ZDHHC20: variants seen among roughly 807,000 people sequenced by gnomAD.
ZDHHC20 encodes zDHHC palmitoyltransferase 20, also known as palmitoyltransferase ZDHHC20.
Under a neutral mutation model 57.8 loss-of-function variants are expected in ZDHHC20, and 43 were observed. The observed-to-expected ratio is 0.74, with a 90% CI of 0.58 to 0.96. The LOEUF is 0.96. ZDHHC20 is among the 40% of genes least tolerant of loss of function. The probability of loss-of-function intolerance (pLI) is 0.00; values close to 1 mark genes in which losing one functional copy is unlikely to be tolerated. For synonymous variants in ZDHHC20, 157 were observed against 153.0 expected, an observed-to-expected ratio of 1.03 and a Z score of -0.19; for missense variants, 391 against 441.1, an observed-to-expected ratio of 0.89 and a Z score of 1.02.
intron 9 of ZDHHC20, among the ~76,000 whole-genome samples, chr13:21,385,913 T>A (rs1267056520): frequency 6.6e-6 from 1 of 152,186 alleles, no homozygotes; most frequent in Non-Finnish European, 1.5e-5. Flanking sequence ...TCAGGCTGAC[T>A]TTTCATTAGA....
intron 1 of ZDHHC20, among the ~76,000 whole-genome samples, chr13:21,451,378 A>G (rs1884427825): frequency 6.6e-6 from 1 of 152,204 alleles, no homozygotes; most frequent in African/African-American, 2.4e-5. Flanking sequence ...ATATTAATTT[A>G]AAGTCTACTA....
chr13:21,404,788 G>A (rs1878221153), intron 4 of ZDHHC20, among the ~76,000 whole-genome samples: 1 of 150,476 alleles, frequency 6.6e-6, no homozygotes, highest in Non-Finnish European at 1.5e-5. Flanking sequence ...GCAGAATAGA[G>A]TTCCCATCTC....
At chr13:21,447,246 G>GA (rs1883810025) in intron 1 of ZDHHC20, among the ~76,000 whole-genome samples, 2 of 22 alleles carry the variant, frequency 0.091, no homozygotes, top group Admixed American at 0.33. Context: ...CCGAGGACTC[G>GA]TCCCAGTTTG....
At chr13:21,398,509 A>G (rs1447993971) in intron 7 of ZDHHC20, among the ~76,000 whole-genome samples, 1 of 152,112 alleles carries the variant, frequency 6.6e-6, no homozygotes, top group Admixed American at 6.6e-5. Context: ...AAATAAACAA[A>G]TATTCATGCT....
intron 1 of ZDHHC20, among the ~76,000 whole-genome samples, chr13:21,430,272 G>A (rs1262582705): frequency 3.3e-5 from 5 of 152,216 alleles, no homozygotes; most frequent in Non-Finnish European, 7.4e-5. Context: ...GGGAGTCCAA[G>A]TCCCAGCTCC....
intron 2 of ZDHHC20, among the ~76,000 whole-genome samples, chr13:21,421,794 G>A (rs1880675989): frequency 6.6e-6 from 1 of 152,112 alleles, no homozygotes. Context: ...AAGCAGTACT[G>A]ATTTCTTTAA....
chr13:21,421,124 A>G lies in ZDHHC20; in HGVS notation c.186T>C (p.Phe62=). Residue 62 remains phenylalanine (F), a synonymous_variant, in exon 3 of 13, where the codon TTT becomes TTC. Transcript: ENST00000400590. ...TCCAATAGGACCATACAAACATAAC[A>G]AAGAACAGATGGAAAGCCACAAGGT... The part of the protein sequence containing the change: ...VVYLVAFHLF[F]VMFVWSYWMT... The G allele has an allele frequency of 6.2e-7, 1 of 1,613,438 alleles. No individual in the cohort carries two copies. The highest frequency in any genetic ancestry group is 8.5e-7 in the Non-Finnish European group (1 of 1,179,724).
intron 4 of ZDHHC20, among the ~76,000 whole-genome samples, chr13:21,403,614 G>A (rs1313971628): frequency 7.2e-5 from 11 of 152,200 alleles, no homozygotes; most frequent in Admixed American, 2.0e-4. Context: ...TTAGAAAGAT[G>A]TGAGAAAAAT....
chr13:21,450,131 A>G (rs559696980), intron 1 of ZDHHC20, among the ~76,000 whole-genome samples: 21 of 152,166 alleles, frequency 1.4e-4, no homozygotes, highest in African/African-American at 5.1e-4. Flanking sequence ...TCATTTACTG[A>G]GCTATTAGGA....
At chr13:21,442,185 T>C (rs1423588659) in intron 1 of ZDHHC20, among the ~76,000 whole-genome samples, 1 of 152,222 alleles carries the variant, frequency 6.6e-6, no homozygotes, top group African/African-American at 2.4e-5. Context: ...ATTAAGATGG[T>C]GAATTATAAT....
chr13:21,386,969 T>C (rs887507927), intron 9 of ZDHHC20, among the ~76,000 whole-genome samples: 9 of 152,224 alleles, frequency 5.9e-5, no homozygotes, highest in East Asian at 1.9e-4. Context: ...CTCTTACAAA[T>C]ATGTCACTCA....
intron 1 of ZDHHC20, among the ~76,000 whole-genome samples, chr13:21,446,452 T>C (rs967898541): frequency 4.6e-5 from 7 of 152,268 alleles, no homozygotes; most frequent in Non-Finnish European, 8.8e-5. Flanking sequence ...TTTGTTTTTA[T>C]ATGCTGTTGA....
At chr13:21,433,284 A>G (rs1197299050) in intron 1 of ZDHHC20, among the ~76,000 whole-genome samples, 1 of 152,090 alleles carries the variant, frequency 6.6e-6, no homozygotes, top group Non-Finnish European at 1.5e-5. Flanking sequence ...TGTCTGGCCC[A>G]TGTAAATTTT....
At chr13:21,404,327 G>A in intron 4 of ZDHHC20, 1 of 502,332 alleles carries the variant, frequency 2.0e-6, no homozygotes, top group Non-Finnish European at 4.0e-6. Context: ...TTTCTATTTT[G>A]TAGACTGCAT....
intron 3 of ZDHHC20, among the ~76,000 whole-genome samples, chr13:21,420,441 C>T (rs1187267555): frequency 1.3e-5 from 2 of 152,160 alleles, no homozygotes; most frequent in African/African-American, 4.8e-5. Context: ...AGCAAAAGAT[C>T]AAACTCAGAC....
chr13:21,376,585 T>C lies in ZDHHC20; in HGVS notation c.*111A>G. 8.0e-7 allele frequency: 1 copy of C among 1,253,058 alleles called. No homozygotes were observed. The allele number at this position is 1,253,058 out of a possible 1,614,324, so 77.6% of individuals were successfully genotyped here. A position where few individuals can be genotyped will look rare whatever the true frequency, so the allele number is the denominator to read the frequency against. ...AAATATATCTTCTGTTATACTTCAG[T>C]TATTTCATTCCACTGATCATTTTCT... On this transcript the variant is annotated 3_prime_UTR_variant, in exon 13 of 13. Transcript: ENST00000400590.
At chr13:21,384,729 T>A (rs1044479747) in intron 9 of ZDHHC20, among the ~76,000 whole-genome samples, 2 of 152,198 alleles carry the variant, frequency 1.3e-5, no homozygotes, top group Non-Finnish European at 2.9e-5. Context: ...ACACATGGAT[T>A]TGGTAGAAAT....
chr13:21,458,442 G>A (rs969270731), intron 1 of ZDHHC20, among the ~76,000 whole-genome samples: 1 of 152,144 alleles, frequency 6.6e-6, no homozygotes, highest in Non-Finnish European at 1.5e-5. Flanking sequence ...AAGCCGGCTG[G>A]ATTCAGAGTA....
intron 1 of ZDHHC20, among the ~76,000 whole-genome samples, chr13:21,444,637 A>G (rs1485674785): frequency 6.6e-6 from 1 of 152,232 alleles, no homozygotes; most frequent in Non-Finnish European, 1.5e-5. Context: ...AGTTATAAAT[A>G]CAAACAGCCA....
Sources: allele counts gnomAD v4.1 joint callset (sites outside exome capture counted in the v4.1 genomes callset), GRCh38; gene constraint gnomAD v4.1.1; transcripts MANE v1.5; gene names NCBI Gene and HGNC (gene_info 2026-07-23, HGNC 2026-07-21).